Variants in FARS2 observed in about 807,000 individuals in gnomAD.
The protein encoded by FARS2 is phenylalanine--tRNA ligase, mitochondrial.
In FARS2, 40 loss-of-function variants were observed where a neutral mutation model predicts 46.4. The observed-to-expected ratio is 0.86, with a 90% CI of 0.67 to 1.12. The LOEUF (loss-of-function observed/expected upper bound fraction) is 1.12, where lower values mean the gene tolerates loss of function less well. Among genes scored for constraint, FARS2 ranks in the 50% most tolerant of loss-of-function variants. The pLI, the probability that FARS2 is intolerant of heterozygous loss-of-function variation, is 0.00. For missense variants in FARS2, 513 were observed against 567.9 expected, an observed-to-expected ratio of 0.90 and a Z score of 0.98; for synonymous variants, 234 against 214.9, an observed-to-expected ratio of 1.09 and a Z score of -0.78.
chr6:5,605,599 C>T (rs897852394), intron 5 of FARS2, among the ~76,000 whole-genome samples: 2 of 152,238 alleles, frequency 1.3e-5, no homozygotes, highest in African/African-American at 4.8e-5. Context: ...AGCAAGAGAA[C>T]ATTCACAATT....
chr6:5,739,668 G>C (rs900754983), intron 6 of FARS2, among the ~76,000 whole-genome samples: 6 of 152,172 alleles, frequency 3.9e-5, no homozygotes, highest in Non-Finnish European at 8.8e-5. Context: ...ATTCTGGAGT[G>C]TTAGAAAATA....
chr6:5,724,714 G>A (rs568028822), intron 6 of FARS2, among the ~76,000 whole-genome samples: 40 of 152,174 alleles, frequency 2.6e-4, no homozygotes, highest in Non-Finnish European at 5.1e-4. Context: ...CCTCCCCTCA[G>A]CCTCTGTGCA....
intron 1 of FARS2, among the ~76,000 whole-genome samples, chr6:5,268,886 T>C (rs1765740853): frequency 6.6e-6 from 1 of 152,202 alleles, no homozygotes; most frequent in African/African-American, 2.4e-5. Flanking sequence ...CATTGAGCAG[T>C]GGTTTGTAGT....
intron 1 of FARS2, among the ~76,000 whole-genome samples, chr6:5,361,283 C>G (rs187366940): frequency 1.3e-5 from 2 of 152,244 alleles, no homozygotes; most frequent in East Asian, 3.9e-4. Flanking sequence ...TGTATGGTCT[C>G]CCATAATTTG....
intron 6 of FARS2, among the ~76,000 whole-genome samples, chr6:5,722,123 G>T (rs1288973147): frequency 2.0e-5 from 3 of 152,188 alleles, no homozygotes; most frequent in Admixed American, 2.0e-4. Flanking sequence ...GGTAAAAAAT[G>T]CAGTGACTGC....
intron 5 of FARS2, among the ~76,000 whole-genome samples, chr6:5,589,061 C>T (rs373313318): frequency 3.3e-5 from 5 of 152,276 alleles, no homozygotes; most frequent in East Asian, 3.9e-4. Context: ...CCCAGCTCCA[C>T]GGTGATGGGT....
At chr6:5,754,323 G>A (rs1762100954) in intron 6 of FARS2, among the ~76,000 whole-genome samples, 1 of 152,172 alleles carries the variant, frequency 6.6e-6, no homozygotes, top group Admixed American at 6.5e-5. Context: ...TCGGATCTCT[G>A]GGAAGCCTGA....
chr6:5,537,507 G>A (rs1043532258), intron 4 of FARS2, among the ~76,000 whole-genome samples: 5 of 145,316 alleles, frequency 3.4e-5, no homozygotes, highest in African/African-American at 7.7e-5. Flanking sequence ...GAGATGTCCC[G>A]GGCCTCCTCT....
chr6:5,446,730 A>T (rs973959016), intron 4 of FARS2, among the ~76,000 whole-genome samples: 2 of 152,184 alleles, frequency 1.3e-5, no homozygotes, highest in African/African-American at 4.8e-5. Context: ...AGTACATTTT[A>T]TTGTGTATAT....
In FARS2 at chr6:5,559,687, G is replaced by A. The variant is rs368142791; in HGVS notation, c.1065+14347G>A. On this transcript the variant is annotated intron_variant, in intron 5 of 6. Coordinates refer to ENST00000274680, the MANE Select transcript of FARS2 (RefSeq NM_006567.5). ...TCTAAAATGTATATGGAAATGTAGAGGGCCAAGAATAGCTAAATAACAATG... is the reference window on the plus strand; with the variant it reads ...TCTAAAATGTATATGGAAATGTAGAAGGCCAAGAATAGCTAAATAACAATG... Among the ~76,000 whole-genome samples, 38 of 151,658 alleles carry A rather than the reference G, an allele frequency of 2.5e-4. No homozygotes were observed. The South Asian group carries it at 6.4e-3, about 26-fold the overall frequency.
chr6:5,411,796 A>G (rs553455374), intron 3 of FARS2, among the ~76,000 whole-genome samples: 2 of 152,342 alleles, frequency 1.3e-5, no homozygotes, highest in African/African-American at 4.8e-5. Context: ...AAAGAAATAA[A>G]ATAACTCTTT....
At chr6:5,329,593 G>T (rs1205783212) in intron 1 of FARS2, among the ~76,000 whole-genome samples, 1 of 152,128 alleles carries the variant, frequency 6.6e-6, no homozygotes, top group Admixed American at 6.5e-5. Context: ...AAGATTACCC[G>T]CAGTAGAATC....
At chr6:5,256,113 A>G (rs1764651927), upstream of FARS2, among the ~76,000 whole-genome samples, 1 of 151,974 alleles carries the variant, frequency 6.6e-6, no homozygotes, top group Admixed American at 6.6e-5. Flanking sequence ...AAGGTGAGAA[A>G]ATTAGTGGCT....
At chr6:5,450,533 T>G (rs969606125) in intron 4 of FARS2, among the ~76,000 whole-genome samples, 1 of 152,052 alleles carries the variant, frequency 6.6e-6, no homozygotes, top group African/African-American at 2.4e-5. Context: ...CAATAACTCC[T>G]TATTTACGGA....
At chr6:5,485,084 G>C (rs1175984262) in intron 4 of FARS2, among the ~76,000 whole-genome samples, 1 of 152,076 alleles carries the variant, frequency 6.6e-6, no homozygotes, top group Non-Finnish European at 1.5e-5. Flanking sequence ...TATTCTGCTT[G>C]AATTAGTTGA....
At chr6:5,384,356 C>T (rs1581945787) in intron 2 of FARS2, among the ~76,000 whole-genome samples, 1 of 152,316 alleles carries the variant, frequency 6.6e-6, no homozygotes, top group Middle Eastern at 3.4e-3. Flanking sequence ...CCAAAATACC[C>T]AGCAGCATTT....
intron 5 of FARS2, among the ~76,000 whole-genome samples, chr6:5,577,272 C>T (rs1773040158): frequency 6.6e-6 from 1 of 151,962 alleles, no homozygotes; most frequent in African/African-American, 2.4e-5. Context: ...AACAGAGAAG[C>T]AATAATAAAC....
intron 1 of FARS2, among the ~76,000 whole-genome samples, chr6:5,358,560 CCT>C: frequency 6.6e-6 from 1 of 151,044 alleles, no homozygotes; most frequent in South Asian, 2.1e-4. Flanking sequence ...GATTTTTTTC[CCT>C]GATATGTTTT....
chr6:5,375,465 T>C (rs1246622436), intron 2 of FARS2, among the ~76,000 whole-genome samples: 1 of 151,918 alleles, frequency 6.6e-6, no homozygotes, highest in Non-Finnish European at 1.5e-5. Flanking sequence ...GAAAACAATA[T>C]CATGAAGATG....
Sources: allele counts gnomAD v4.1 joint callset (sites outside exome capture counted in the v4.1 genomes callset), GRCh38; gene constraint gnomAD v4.1.1; transcripts MANE v1.5; gene names NCBI Gene and HGNC (gene_info 2026-07-23, HGNC 2026-07-21).